USP25: variants seen among roughly 807,000 people sequenced by gnomAD.
USP25 encodes the protein ubiquitin carboxyl-terminal hydrolase 25.
A neutral mutation model predicts 158.5 loss-of-function variants in USP25; 85 were observed. The ratio of observed to expected loss-of-function variants is 0.54; its 90% CI spans 0.45 to 0.64. USP25 has a LOEUF of 0.64. USP25 is among the 30% of genes least tolerant of loss of function. The pLI is 0.00. For missense variants in USP25, 1,242 were observed against 1,327.3 expected (o/e 0.94, Z 1.00); for synonymous variants, 464 against 460.4 (o/e 1.01, Z -0.10).
chr21:15,811,064 T>C (rs2036635269), intron 8 of USP25, 73 bp from the exon 9 acceptor site: 1 of 1,322,572 alleles, frequency 7.6e-7, no homozygotes, highest in Non-Finnish European at 1.1e-6. Flanking sequence ...TCATATGTTA[T>C]AGTTCTTTAA....
intron 20 of USP25, among the ~76,000 whole-genome samples, chr21:15,860,128 C>G (rs961646641): frequency 6.6e-6 from 1 of 151,628 alleles, no homozygotes; most frequent in Non-Finnish European, 1.5e-5. Flanking sequence ...GCTGGGATTA[C>G]AGGCTCCCGC....
In USP25 at chr21:15,811,076, A is replaced by G. The variant is rs1189157804; in HGVS notation, c.858-61A>G. On this transcript the variant is annotated intron_variant, in intron 8 of 25. Coordinates refer to ENST00000400183, the MANE Select transcript of USP25 (RefSeq NM_001283041.3). ...TTGTCATATGTTATAGTTCTTTAAT[A>G]TTTTCTCTATTTATAGGTCCGAAAA... is the stretch of plus-strand genomic sequence containing the variant. 3 of 1,416,502 alleles carry G rather than the reference A, an allele frequency of 2.1e-6. No homozygotes were observed. The East Asian group carries it at 6.9e-5, about 33-fold the overall frequency. The allele number at this position is 1,416,502 out of a possible 1,614,324, so 87.7% of individuals were successfully genotyped here.
chr21:15,786,597 AATAG>A (rs753445698), intron 4 of USP25, among the ~76,000 whole-genome samples: 15 of 152,130 alleles, frequency 9.9e-5, no homozygotes, highest in Non-Finnish European at 1.9e-4. Flanking sequence ...AAACTCTCAA[AATAG>A]ATATAGAAAG....
At chr21:15,756,366 C>T (rs2033377415) in intron 1 of USP25, among the ~76,000 whole-genome samples, 1 of 152,082 alleles carries the variant, frequency 6.6e-6, no homozygotes, top group East Asian at 1.9e-4. Flanking sequence ...TGCTTTTGTT[C>T]AGAGCACTCA....
intron 1 of USP25, among the ~76,000 whole-genome samples, chr21:15,736,529 T>C (rs1411028783): frequency 6.6e-6 from 1 of 152,140 alleles, no homozygotes; most frequent in Non-Finnish European, 1.5e-5. Flanking sequence ...TTTTGATGGA[T>C]AGACCAAATT....
intron 1 of USP25, among the ~76,000 whole-genome samples, chr21:15,762,314 C>G (rs2033777688): frequency 6.6e-6 from 1 of 151,974 alleles, no homozygotes; most frequent in Non-Finnish European, 1.5e-5. Flanking sequence ...GAAATCCTAT[C>G]TCTCTACCTC....
chr21:15,848,042 TC>T (rs1359070201), intron 19 of USP25, among the ~76,000 whole-genome samples: 1 of 152,212 alleles, frequency 6.6e-6, no homozygotes, highest in Non-Finnish European at 1.5e-5. Context: ...CCAGTTTACT[TC>T]CAGGTTGGCA....
At chr21:15,769,978 T>C (rs886351323) in intron 3 of USP25, among the ~76,000 whole-genome samples, 1 of 151,886 alleles carries the variant, frequency 6.6e-6, no homozygotes, top group Non-Finnish European at 1.5e-5. Context: ...TTTTTTTTTC[T>C]TTTTTTCTAA....
intron 10 of USP25, among the ~76,000 whole-genome samples, chr21:15,821,769 G>C (rs2037248751): frequency 6.6e-6 from 1 of 151,834 alleles, no homozygotes; most frequent in East Asian, 1.9e-4. Flanking sequence ...TGATAGGTGT[G>C]TTTTTTCTGT....
intron 3 of USP25, among the ~76,000 whole-genome samples, chr21:15,769,660 T>C (rs1002488823): frequency 2.6e-5 from 4 of 152,134 alleles, no homozygotes; most frequent in African/African-American, 9.7e-5. Flanking sequence ...TGCCAAGTTT[T>C]TGTGTCACGG....
chr21:15,860,953 C>T (rs1342567681), intron 20 of USP25, among the ~76,000 whole-genome samples: 3 of 145,680 alleles, frequency 2.1e-5, no homozygotes, highest in Non-Finnish European at 4.5e-5. Context: ...TTGGTATCTT[C>T]ATATATATAT....
At chr21:15,790,641 A>G (rs1446348682) in intron 4 of USP25, among the ~76,000 whole-genome samples, 1 of 150,502 alleles carries the variant, frequency 6.6e-6, no homozygotes, top group Non-Finnish European at 1.5e-5. Flanking sequence ...AATAATAAGT[A>G]ACAAGTTTCT....
chr21:15,834,928 AG>A lies in USP25; in HGVS notation c.2194+1382del, dbSNP rs1314802623. On this transcript the variant is annotated intron_variant, in intron 17 of 25. Transcript: ENST00000400183. ...AATGTAGTTTTTAGTAGATGTCAAG[AG>A]GTATCTAAGCTCAAATCACAGTGTA... 7.9e-5 allele frequency among the ~76,000 whole-genome samples: 12 copies of A among 152,320 alleles called. 2 individuals are homozygous for A. The highest frequency in any genetic ancestry group is 6.5e-4 in the Admixed American group (10 of 15,302).
chr21:15,874,308 CTT>C (rs2040013052), intron 23 of USP25, 93 bp from the exon 24 acceptor site: 1 of 1,142,404 alleles, frequency 8.8e-7, no homozygotes. Flanking sequence ...ATTATCAAAA[CTT>C]AAGCATATAC....
intron 11 of USP25, 106 bp downstream of exon 11, chr21:15,824,272 T>G (rs1035953615): frequency 5.1e-6 from 7 of 1,362,348 alleles, no homozygotes; most frequent in Non-Finnish European, 7.0e-6. Context: ...AATTTCTACT[T>G]TTGCATAATA....
At chr21:15,738,547 T>G (rs2031736607) in intron 1 of USP25, among the ~76,000 whole-genome samples, 1 of 152,202 alleles carries the variant, frequency 6.6e-6, no homozygotes, top group African/African-American at 2.4e-5. Context: ...CTTTTAAAAA[T>G]TTGTTATTGG....
intron 4 of USP25, among the ~76,000 whole-genome samples, chr21:15,784,936 T>C (rs1401564732): frequency 6.7e-6 from 1 of 149,540 alleles, no homozygotes; most frequent in Non-Finnish European, 1.5e-5. Context: ...TGGATTAAAT[T>C]CCCCAATTAA....
intron 1 of USP25, chr21:15,744,879 C>T (rs2123255700): frequency 6.6e-6 from 1 of 152,668 alleles, no homozygotes; most frequent in Middle Eastern, 3.4e-3. Context: ...TGAGCCACCG[C>T]ACCCCGCCGG....
At chr21:15,781,519 C>G (rs1231572081) in intron 4 of USP25, among the ~76,000 whole-genome samples, 1 of 152,070 alleles carries the variant, frequency 6.6e-6, no homozygotes, top group African/African-American at 2.4e-5. Context: ...TCATTTCCCT[C>G]ACAAAAAAGG....
Sources: allele counts gnomAD v4.1 joint callset (sites outside exome capture counted in the v4.1 genomes callset), GRCh38; gene constraint gnomAD v4.1.1; transcripts MANE v1.5; gene names NCBI Gene and HGNC (gene_info 2026-07-23, HGNC 2026-07-21).